PARG: variants seen among roughly 807,000 people sequenced by gnomAD.
PARG encodes mitochondrial poly(ADP-ribose) glycohydrolase.
Under a neutral mutation model 113.0 loss-of-function variants are expected in PARG, and 35 were observed. The observed-to-expected ratio is 0.31, with a 90% confidence interval of 0.24 to 0.41. The LOEUF (loss-of-function observed/expected upper bound fraction) is 0.41, where lower values mean the gene tolerates loss of function less well. Among genes scored for constraint, PARG ranks in the 10% least tolerant of loss-of-function variants. The probability of loss-of-function intolerance (pLI) is 1.00; values close to 1 mark genes in which losing one functional copy is unlikely to be tolerated. For synonymous variants in PARG, 330 were observed against 409.9 expected (o/e 0.81, Z 2.36); for missense variants, 797 against 1,169.4 (o/e 0.68, Z 4.64).
At chr10:49,938,981 C>T (rs1312748969) in intron 1 of PARG, among the ~76,000 whole-genome samples, 5 of 152,120 alleles carry the variant, frequency 3.3e-5, no homozygotes, top group South Asian at 2.1e-4. Context: ...TTTAAACATG[C>T]GAAATACAGC....
At chr10:49,865,937 C>T (rs1484222511) in intron 10 of PARG, among the ~76,000 whole-genome samples, 16 of 150,198 alleles carry the variant, frequency 1.1e-4, no homozygotes, top group Non-Finnish European at 1.5e-5. Context: ...AGCTAAGTCT[C>T]AGGCTTAAAT....
At chr10:49,858,946 G>A (rs1335742310) in intron 12 of PARG, among the ~76,000 whole-genome samples, 2 of 152,062 alleles carry the variant, frequency 1.3e-5, no homozygotes, top group Non-Finnish European at 2.9e-5. Context: ...CTGGCCTCAC[G>A]GCATTTGTAA....
At chr10:49,938,901 G>C (rs1434369266) in intron 1 of PARG, among the ~76,000 whole-genome samples, 19 of 152,008 alleles carry the variant, frequency 1.2e-4, no homozygotes, top group Admixed American at 9.8e-4. Flanking sequence ...TCAAACAATG[G>C]GCTTTTGATA....
intron 13 of PARG, among the ~76,000 whole-genome samples, chr10:49,846,373 G>GTT (rs35336063): frequency 0.084 from 12,264 of 145,408 alleles, 806 homozygotes; most frequent in African/African-American, 0.17. Flanking sequence ...TGATAGACAT[G>GTT]TTTTTTTTTT....
chr10:49,886,651 T>C (rs1847501776), intron 7 of PARG, among the ~76,000 whole-genome samples: 1 of 152,178 alleles, frequency 6.6e-6, no homozygotes, highest in Non-Finnish European at 1.5e-5. Flanking sequence ...CATATATGAA[T>C]AGTGTTTATA....
At chr10:49,841,070 T>C (rs1239989647) in intron 15 of PARG, among the ~76,000 whole-genome samples, 3 of 152,010 alleles carry the variant, frequency 2.0e-5, no homozygotes, top group Admixed American at 6.6e-5. Flanking sequence ...CTGGCCAACA[T>C]GGTGAAACCC....
intron 1 of PARG, among the ~76,000 whole-genome samples, chr10:49,939,830 C>A (rs1284880145): frequency 6.6e-6 from 1 of 152,218 alleles, no homozygotes; most frequent in Non-Finnish European, 1.5e-5. Context: ...CTTGGTACTG[C>A]CCCTAAGTAT....
intron 9 of PARG, among the ~76,000 whole-genome samples, chr10:49,878,369 G>A (rs1300531787): frequency 1.4e-5 from 2 of 146,576 alleles, no homozygotes; most frequent in Non-Finnish European, 3.0e-5. Context: ...TGTAATCCCA[G>A]CACTTTGGGA....
At chr10:49,859,507 T>G (rs1428957885) in intron 12 of PARG, among the ~76,000 whole-genome samples, 1 of 151,878 alleles carries the variant, frequency 6.6e-6, no homozygotes, top group Non-Finnish European at 1.5e-5. Context: ...AGAAATAAAA[T>G]GGACTGTACT....
At chr10:49,917,137 A>G (rs1352337470) in intron 6 of PARG, among the ~76,000 whole-genome samples, 1 of 152,214 alleles carries the variant, frequency 6.6e-6, no homozygotes, top group Non-Finnish European at 1.5e-5. Flanking sequence ...ATAGCCAGAA[A>G]GAGTGAAAGA....
chr10:49,897,862 C>T (rs1376941714), intron 7 of PARG, among the ~76,000 whole-genome samples: 1 of 152,122 alleles, frequency 6.6e-6, no homozygotes, highest in Non-Finnish European at 1.5e-5. Flanking sequence ...CATTGTGGCC[C>T]ACACCTGTAG....
intron 5 of PARG, 59 bp from the exon 6 acceptor site, chr10:49,922,478 A>C (rs1460069628): frequency 6.2e-7 from 1 of 1,609,810 alleles, no homozygotes; most frequent in Middle Eastern, 2.3e-4. Context: ...GCATCACAGA[A>C]TCAAAGGTCA....
intron 13 of PARG, among the ~76,000 whole-genome samples, 184 bp downstream of exon 13, chr10:49,857,122 T>C (rs1366605570): frequency 6.6e-6 from 1 of 151,602 alleles, no homozygotes; most frequent in Non-Finnish European, 1.5e-5. Context: ...AAATAAGATG[T>C]CTTACTTAAG....
At position 49,848,463 on chromosome 10, in the gene PARG, T is replaced by C. The variant is rs569761901; in HGVS notation, c.2354-4831A>G. On this transcript the variant is annotated intron_variant, in intron 13 of 17. Transcript: ENST00000616448. ...GAATCAAAAGTTCCAAGATTTAAACTCAATACTAGAGTTTCCAGTCTATTA... is the reference window on the plus strand; with the variant it reads ...GAATCAAAAGTTCCAAGATTTAAACCCAATACTAGAGTTTCCAGTCTATTA... Among the ~76,000 whole-genome samples, 114 of 146,646 alleles carry C rather than the reference T, an allele frequency of 7.8e-4. 2 individuals are homozygous for C. The South Asian group carries it at 0.023, about 29-fold the overall frequency.
chr10:49,920,575 TATATATATACACATATATAC>T (rs1554849023), intron 6 of PARG, among the ~76,000 whole-genome samples: 3 of 143,338 alleles, frequency 2.1e-5, no homozygotes, highest in Admixed American at 1.4e-4. Context: ...TATATACGTG[TATATATATACACATATATAC>T]ATATATACGT....
chr10:49,920,487 TATATATATATAC>T (rs1208135609), intron 6 of PARG, among the ~76,000 whole-genome samples: 33 of 104,244 alleles, frequency 3.2e-4, no homozygotes, highest in African/African-American at 6.9e-4. Context: ...TATATATATA[TATATATATATAC>T]ACACACACAC....
chr10:49,849,326 T>G (rs1204737478), intron 13 of PARG, among the ~76,000 whole-genome samples: 1 of 152,086 alleles, frequency 6.6e-6, no homozygotes, highest in African/African-American at 2.4e-5. Flanking sequence ...GAGAAAAAAG[T>G]TGAAGGACCC....
chr10:49,911,300 A>G (rs1428918090), intron 7 of PARG, among the ~76,000 whole-genome samples: 2 of 151,398 alleles, frequency 1.3e-5, no homozygotes, highest in African/African-American at 2.4e-5. Flanking sequence ...AAAAAAAAAG[A>G]GAAGTATTTA....
intron 7 of PARG, among the ~76,000 whole-genome samples, chr10:49,893,779 C>T (rs545567615): frequency 1.3e-5 from 2 of 151,798 alleles, no homozygotes; most frequent in Non-Finnish European, 2.9e-5. Flanking sequence ...CTGCAAGCTC[C>T]GCCTCCCAAG....
Sources: allele counts gnomAD v4.1 joint callset (sites outside exome capture counted in the v4.1 genomes callset), GRCh38; gene constraint gnomAD v4.1.1; transcripts MANE v1.5; gene names NCBI Gene and HGNC (gene_info 2026-07-23, HGNC 2026-07-21).